Variants in CAST observed in about 807,000 individuals in gnomAD.
CAST encodes calpastatin.
Under a neutral mutation model 119.6 loss-of-function variants are expected in CAST, and 76 were observed. The observed-to-expected ratio is 0.64, with a 90% CI of 0.53 to 0.77. CAST has a LOEUF of 0.77. Among genes scored for constraint, CAST ranks in the 30% least tolerant of loss-of-function variants. CAST has a pLI of 0.00. For synonymous variants in CAST, 319 were observed against 331.6 expected, an observed-to-expected ratio of 0.96 and a Z score of 0.41; for missense variants, 953 against 946.5, an observed-to-expected ratio of 1.01 and a Z score of -0.09.
chr5:96,336,546 G>A, the CAST span, among the ~76,000 whole-genome samples: 1 of 152,126 alleles, frequency 6.6e-6, no homozygotes, highest in Non-Finnish European at 1.5e-5. Context: ...TTGTAAACCC[G>A]GCAGAACTTG....
At chr5:96,026,664 G>A in the CAST span, among the ~76,000 whole-genome samples, 2 of 152,298 alleles carry the variant, frequency 1.3e-5, no homozygotes, top group Non-Finnish European at 1.5e-5. Context: ...TTTGGACTGC[G>A]AAGCACTTAG....
At chr5:96,239,295 T>C in the CAST span, among the ~76,000 whole-genome samples, 1 of 152,142 alleles carries the variant, frequency 6.6e-6, no homozygotes, top group Non-Finnish European at 1.5e-5. Context: ...TGATTGCTGT[T>C]GTATTGTTTT....
chr5:96,310,562 C>T, the CAST span, among the ~76,000 whole-genome samples: 1 of 134,356 alleles, frequency 7.4e-6, no homozygotes, highest in Non-Finnish European at 1.7e-5. Flanking sequence ...AGGTCTTAGG[C>T]TTTTTTTTTT....
chr5:96,749,073 A>G (rs1764404599), intron 19 of CAST, among the ~76,000 whole-genome samples: 1 of 152,174 alleles, frequency 6.6e-6, no homozygotes, highest in Admixed American at 6.5e-5. Flanking sequence ...CTTTCCTACC[A>G]AACTGTGTCC....
chr5:96,644,188 TTA>T (rs1747989905), intron 1 of CAST, among the ~76,000 whole-genome samples: 1 of 152,232 alleles, frequency 6.6e-6, no homozygotes, highest in Non-Finnish European at 1.5e-5. Flanking sequence ...GGTATGGGGA[TTA>T]TATTTGAATA....
At chr5:96,205,981 AT>A in the CAST span, among the ~76,000 whole-genome samples, 35 of 150,836 alleles carry the variant, frequency 2.3e-4, no homozygotes, top group South Asian at 6.3e-4. Context: ...ATCATCTGCT[AT>A]TTTTTTTTAA....
At chr5:96,716,863 G>A (rs1757274787) in intron 3 of CAST, among the ~76,000 whole-genome samples, 1 of 152,184 alleles carries the variant, frequency 6.6e-6, no homozygotes, top group African/African-American at 2.4e-5. Flanking sequence ...CAGTAACCCT[G>A]TAGGGTGCAT....
At chr5:96,589,199 A>G (rs1004021834) in intron 1 of CAST, among the ~76,000 whole-genome samples, 1 of 152,210 alleles carries the variant, frequency 6.6e-6, no homozygotes, top group East Asian at 1.9e-4. Flanking sequence ...TCAAAGGTCC[A>G]ACTGATGCTC....
At chr5:96,278,477 A>G in the CAST span, 2 of 152,194 alleles carry the variant, frequency 1.3e-5, no homozygotes, top group African/African-American at 2.4e-5. Context: ...GGGGTGGAGA[A>G]CATGGTAGCT....
intron 4 of CAST, among the ~76,000 whole-genome samples, chr5:96,724,862 G>A (rs2150414210): frequency 6.6e-6 from 1 of 152,132 alleles, no homozygotes; most frequent in African/African-American, 2.4e-5. Flanking sequence ...TAATCTCATT[G>A]AATTTAGAGA....
chr5:96,107,757 C>G, the CAST span, among the ~76,000 whole-genome samples: 2 of 152,256 alleles, frequency 1.3e-5, no homozygotes, highest in African/African-American at 2.4e-5. Flanking sequence ...TTTCCTGAAT[C>G]TGAATGTTGG....
At chr5:96,385,397 G>A in the CAST span, among the ~76,000 whole-genome samples, 382 of 152,302 alleles carry the variant, frequency 2.5e-3, 4 homozygotes, top group South Asian at 0.035. Flanking sequence ...AAGCTAAAAA[G>A]TGAAACAGAG....
the CAST span, among the ~76,000 whole-genome samples, chr5:96,008,497 T>C: frequency 2.0e-5 from 3 of 152,226 alleles, no homozygotes; most frequent in Non-Finnish European, 4.4e-5. Context: ...TCCAACAACC[T>C]GGTTACAATG....
intron 1 of CAST, among the ~76,000 whole-genome samples, chr5:96,567,869 A>G (rs976473887): frequency 2.0e-5 from 3 of 152,024 alleles, no homozygotes; most frequent in Admixed American, 6.6e-5. Flanking sequence ...GAACCAGACA[A>G]TGTTCACATT....
At position 96,770,493 on chromosome 5, in the gene CAST, G is replaced by A. The variant is rs375019449; in HGVS notation, c.2269-38G>A. ...GCCTAGTTAATTGCTAGATGGATTG[G>A]TGATAGCCATAGCCTCATTACATTT... is the stretch of plus-strand genomic sequence containing the variant. On this transcript the variant is annotated intron_variant, in intron 29 of 31. Transcript: ENST00000675179. 37 of 1,364,676 alleles carry A rather than the reference G, an allele frequency of 2.7e-5. No individual in the cohort carries two copies. In the African/African-American group the frequency reaches 4.1e-4, roughly 15 times the overall value. 84.5% of individuals were successfully genotyped at this position (1,364,676 alleles called of 1,614,324 possible).
chr5:96,015,842 G>A, the CAST span, among the ~76,000 whole-genome samples: 1 of 152,162 alleles, frequency 6.6e-6, no homozygotes. Flanking sequence ...GCACAGCTAG[G>A]AAGTGGTATT....
chr5:96,721,986 A>G (rs1162346118), intron 3 of CAST, among the ~76,000 whole-genome samples: 3 of 152,198 alleles, frequency 2.0e-5, no homozygotes, highest in African/African-American at 4.8e-5. Context: ...TCTTTCTTAC[A>G]TGACACTGAA....
chr5:96,324,334 A>C, the CAST span, among the ~76,000 whole-genome samples: 1 of 152,230 alleles, frequency 6.6e-6, no homozygotes, highest in Admixed American at 6.5e-5. Flanking sequence ...AGACTCCAAC[A>C]ATCTTACTAC....
At chr5:95,961,871 A>T in the CAST span, 2 of 1,024,204 alleles carry the variant, frequency 2.0e-6, no homozygotes, top group South Asian at 4.3e-5. Flanking sequence ...CAGACCTCGG[A>T]CTGCCACCGC....
Sources: gnomAD v4.1 joint callset for allele counts (sites outside exome capture counted in the v4.1 genomes callset) on GRCh38, gnomAD v4.1.1 for gene constraint, MANE v1.5 for transcripts, NCBI Gene and HGNC (gene_info 2026-07-23, HGNC 2026-07-21) for gene names.